PCDHA9: variants seen among roughly 807,000 people sequenced by gnomAD.
PCDHA9 encodes the protein protocadherin alpha-9.
A neutral mutation model predicts 62.0 loss-of-function variants in PCDHA9; 62 were observed. The observed-to-expected ratio is 1.00, with a 90% confidence interval of 0.81 to 1.23. The LOEUF (loss-of-function observed/expected upper bound fraction) is 1.23. Among genes scored for constraint, PCDHA9 ranks in the 50% most tolerant of loss-of-function variants. The pLI is 0.00. For synonymous variants in PCDHA9, 557 were observed against 567.6 expected (o/e 0.98, Z 0.27); for missense variants, 1,205 against 1,249.8 (o/e 0.96, Z 0.54).
intron 1 of PCDHA9, 146 bp downstream of exon 1, chr5:140,851,035 A>G: frequency 7.1e-7 from 1 of 1,400,972 alleles, no homozygotes; most frequent in Non-Finnish European, 9.4e-7. Context: ...ACCCCTTAAC[A>G]TTGGAGCCGA....
chr5:140,967,460 G>C, intron 1 of PCDHA9: 1 of 1,613,538 alleles, frequency 6.2e-7, no homozygotes, highest in African/African-American at 1.3e-5. Context: ...AGCCGTGGAT[G>C]GGGGCATCCC....
intron 1 of PCDHA9, among the ~76,000 whole-genome samples, chr5:140,937,417 A>T (rs1226073587): frequency 5.3e-5 from 8 of 152,154 alleles, no homozygotes; most frequent in African/African-American, 1.9e-4. Context: ...CTTTTATTAG[A>T]TAGCTGATAT....
intron 1 of PCDHA9, among the ~76,000 whole-genome samples, chr5:140,976,227 T>C (rs2096706900): frequency 6.6e-6 from 1 of 152,050 alleles, no homozygotes; most frequent in East Asian, 1.9e-4. Context: ...AGAAGAAAAA[T>C]ATATGTCATT....
intron 1 of PCDHA9, among the ~76,000 whole-genome samples, chr5:140,926,157 C>T (rs1264983904): frequency 4.0e-5 from 6 of 151,736 alleles, no homozygotes; most frequent in Non-Finnish European, 8.8e-5. Flanking sequence ...GAAAGCTCTG[C>T]AGCAGGATCC....
In PCDHA9 at chr5:140,877,039, C is replaced by T. The variant is rs782458785; in HGVS notation, c.2394+26150C>T. ...CGGCAAGGTGTACGCGCTGCAGCCG[C>T]TAGACCACGAGGAGCTGGAGCTGCT... is the stretch of plus-strand genomic sequence containing the variant. On this transcript the variant is annotated intron_variant, in intron 1 of 3. Transcript: ENST00000532602. The T allele has an allele frequency of 3.7e-6, 6 of 1,612,576 alleles. No homozygotes were observed. In the African/African-American group the frequency reaches 5.3e-5, roughly 14 times the overall value.
chr5:140,869,997 T>C (rs782075585), intron 1 of PCDHA9: 23 of 1,613,172 alleles, frequency 1.4e-5, no homozygotes, highest in Non-Finnish European at 2.5e-6. Context: ...ATCAAAATAA[T>C]GGAGAAGTGA....
intron 3 of PCDHA9, among the ~76,000 whole-genome samples, chr5:140,998,830 C>G (rs1385890461): frequency 6.6e-6 from 1 of 152,200 alleles, no homozygotes; most frequent in African/African-American, 2.4e-5. Flanking sequence ...TCCCAAAGTG[C>G]TGGATTACTG....
At chr5:140,876,449 G>T (rs1396307044) in intron 1 of PCDHA9, 1 of 1,613,880 alleles carries the variant, frequency 6.2e-7, no homozygotes, top group Non-Finnish European at 8.5e-7. Context: ...ATTGATAAAG[G>T]GATTCCTTCC....
Position 140,936,624 on chromosome 5 carries a change from C to T in PCDHA9, c.2395-42325C>T, listed in dbSNP as rs186958884. On this transcript the variant is annotated intron_variant, in intron 1 of 3. Coordinates refer to ENST00000532602, the MANE Select transcript of PCDHA9 (RefSeq NM_031857.2). Reference sequence around the variant, plus strand: ...TCCTCGCTGCTACTGTGCAGTGCTACCTTTGTCATAAGCAACGTGACTTTA... The same window carrying T: ...TCCTCGCTGCTACTGTGCAGTGCTATCTTTGTCATAAGCAACGTGACTTTA... 2.3e-3 allele frequency among the ~76,000 whole-genome samples: 345 copies of T among 152,302 alleles called. 2 individuals are homozygous for T. Among genetic ancestry groups the T allele is most frequent in the South Asian group, 2.5e-3 (12 of 4,824 alleles).
At chr5:140,922,858 G>C (rs1363202579) in intron 1 of PCDHA9, among the ~76,000 whole-genome samples, 1 of 152,124 alleles carries the variant, frequency 6.6e-6, no homozygotes, top group Non-Finnish European at 1.5e-5. Flanking sequence ...CAAATACATA[G>C]ACAAGGGGAA....
chr5:141,001,764 G>A (rs1186356180), intron 3 of PCDHA9, among the ~76,000 whole-genome samples: 1 of 152,160 alleles, frequency 6.6e-6, no homozygotes, highest in East Asian at 1.9e-4. Context: ...GATGGCGGAT[G>A]GTTTTTGCCT....
At chr5:140,999,755 A>G (rs932293037) in intron 3 of PCDHA9, among the ~76,000 whole-genome samples, 1 of 152,168 alleles carries the variant, frequency 6.6e-6, no homozygotes, top group South Asian at 2.1e-4. Context: ...TTCGCAGCAC[A>G]TGATGTCTTT....
At chr5:140,898,965 G>A (rs2067069000) in intron 1 of PCDHA9, among the ~76,000 whole-genome samples, 1 of 152,044 alleles carries the variant, frequency 6.6e-6, no homozygotes, top group Non-Finnish European at 1.5e-5. Flanking sequence ...GTGAATGGGA[G>A]TTCACTCATG....
At chr5:140,884,122 G>T (rs1212118784) in intron 1 of PCDHA9, 1 of 1,613,188 alleles carries the variant, frequency 6.2e-7, no homozygotes, top group Non-Finnish European at 8.5e-7. Context: ...CGGTCGGCGC[G>T]CGCATCCCGT....
chr5:140,904,873 G>C (rs1309196167), intron 1 of PCDHA9, among the ~76,000 whole-genome samples: 1 of 151,932 alleles, frequency 6.6e-6, no homozygotes, highest in Non-Finnish European at 1.5e-5. Flanking sequence ...TATGTCCTTA[G>C]CTCACTTTTT....
chr5:141,001,910 C>T (rs1365182561), intron 3 of PCDHA9, among the ~76,000 whole-genome samples: 1 of 152,196 alleles, frequency 6.6e-6, no homozygotes, highest in Non-Finnish European at 1.5e-5. Flanking sequence ...TTGAAAAAGA[C>T]TGCAGTGGCT....
At position 140,875,345 on chromosome 5, in the gene PCDHA9, A is replaced by T. The variant is rs183266244; in HGVS notation, c.2394+24456A>T. 3,872 of 1,443,290 alleles carry T rather than the reference A, an allele frequency of 2.7e-3. 16 individuals are homozygous for T. The highest frequency in any genetic ancestry group is 0.011 in the African/African-American group (735 of 69,882). 89.4% of individuals were successfully genotyped at this position (1,443,290 alleles called of 1,614,324 possible). On this transcript the variant is annotated intron_variant, in intron 1 of 3. Coordinates refer to ENST00000532602, the MANE Select transcript of PCDHA9 (RefSeq NM_031857.2). ...TTCACGGAATAGGATCGACTCCATA[A>T]TGACTGTGATGCTGGAAAAAATTTA...
intron 3 of PCDHA9, among the ~76,000 whole-genome samples, chr5:141,006,729 T>A (rs1554260883): frequency 2.0e-5 from 3 of 151,948 alleles, no homozygotes; most frequent in Non-Finnish European, 4.4e-5. Flanking sequence ...AAATGACAGG[T>A]CTTGATGATG....
At position 140,850,808 on chromosome 5, in the gene PCDHA9, C is replaced by T. The variant is rs2150499098; in HGVS notation, c.2313C>T (p.Ala771=). 20 of 1,598,280 alleles carry T rather than the reference C, an allele frequency of 1.3e-5. No homozygotes were observed. The South Asian group carries it at 2.2e-4, about 18-fold the overall frequency. The change falls in exon 1 of 4, where the codon GCC becomes GCT. Residue 771 remains alanine, a synonymous_variant. Transcript: ENST00000532602. ...GEGKQKTDLM[A]FSPGLSPCAG... The stretch of plus-strand genomic sequence containing the variant: ...GTAAGCAGAAGACCGACCTCATGGC[C>T]TTCAGCCCGGGCCTTTCTCCTTGTG...
Sources: allele counts gnomAD v4.1 joint callset (sites outside exome capture counted in the v4.1 genomes callset), GRCh38; gene constraint gnomAD v4.1.1; transcripts MANE v1.5; gene names NCBI Gene and HGNC (gene_info 2026-07-23, HGNC 2026-07-21).